The following KCNT2 variants were observed in gnomAD, a reference collection of about 807,000 sequenced individuals.
KCNT2 encodes the protein potassium channel subfamily T member 2.
A neutral mutation model predicts 153.8 loss-of-function variants in KCNT2; 67 were observed. The observed-to-expected ratio is 0.44, with a 90% confidence interval of 0.36 to 0.53. The LOEUF (loss-of-function observed/expected upper bound fraction) is 0.53, where lower values mean the gene tolerates loss of function less well. KCNT2 is among the 20% of genes least tolerant of loss of function. The pLI, the probability that KCNT2 is intolerant of heterozygous loss-of-function variation, is 0.00. For synonymous variants in KCNT2, 500 were observed against 458.8 expected (o/e 1.09, Z -1.15); for missense variants, 975 against 1,354.8 (o/e 0.72, Z 4.40).
chr1:196,493,276 T>A (rs1230136881), intron 1 of KCNT2, among the ~76,000 whole-genome samples: 1 of 150,982 alleles, frequency 6.6e-6, no homozygotes, highest in Non-Finnish European at 1.5e-5. Flanking sequence ...TTTCCTAATA[T>A]GGTAACATTT....
intron 1 of KCNT2, among the ~76,000 whole-genome samples, chr1:196,600,144 G>A (rs1664554874): frequency 6.6e-6 from 1 of 152,124 alleles, no homozygotes; most frequent in Non-Finnish European, 1.5e-5. Context: ...TCACTCCTCT[G>A]CTTTTATATG....
intron 26 of KCNT2, chr1:196,257,190 A>T: frequency 1.0e-6 from 1 of 961,762 alleles, no homozygotes. Context: ...GAATATACAC[A>T]TAAAGCACCT....
chr1:196,602,712 A>G (rs959299587), intron 1 of KCNT2, among the ~76,000 whole-genome samples: 2 of 150,634 alleles, frequency 1.3e-5, no homozygotes, highest in Non-Finnish European at 2.9e-5. Context: ...AACAATAATT[A>G]TTAAATAATA....
At chr1:196,351,494 G>T (rs1260945474) in intron 14 of KCNT2, among the ~76,000 whole-genome samples, 1 of 118,622 alleles carries the variant, frequency 8.4e-6, no homozygotes, top group East Asian at 3.9e-4. Flanking sequence ...CTCATGATTT[G>T]GCTCTCTGTT....
At chr1:196,419,414 A>G (rs750499039) in intron 12 of KCNT2, among the ~76,000 whole-genome samples, 5 of 140,120 alleles carry the variant, frequency 3.6e-5, no homozygotes, top group Non-Finnish European at 7.5e-5. Flanking sequence ...ATTCTCACCT[A>G]TGAGTAAGAA....
chr1:196,458,503 C>G (rs899155628), intron 8 of KCNT2, among the ~76,000 whole-genome samples: 1 of 151,824 alleles, frequency 6.6e-6, no homozygotes, highest in African/African-American at 2.4e-5. Flanking sequence ...AATACAAACT[C>G]TTATGTTACC....
At chr1:196,330,802 A>G (rs1664385465) in intron 18 of KCNT2, among the ~76,000 whole-genome samples, 1 of 152,006 alleles carries the variant, frequency 6.6e-6, no homozygotes, top group Admixed American at 6.6e-5. Context: ...TTCCATAATG[A>G]GATATAAAGT....
At chr1:196,484,663 T>C (rs1679275355) in intron 3 of KCNT2, among the ~76,000 whole-genome samples, 1 of 152,132 alleles carries the variant, frequency 6.6e-6, no homozygotes, top group African/African-American at 2.4e-5. Flanking sequence ...TTTTGGGTTT[T>C]ACATTTAAGT....
chr1:196,583,268 A>G (rs1458520146), intron 1 of KCNT2, among the ~76,000 whole-genome samples: 1 of 152,176 alleles, frequency 6.6e-6, no homozygotes, highest in African/African-American at 2.4e-5. Flanking sequence ...CTTTAAAAAG[A>G]ATTTAATAAT....
intron 13 of KCNT2, among the ~76,000 whole-genome samples, chr1:196,385,008 TA>T (rs1237232607): frequency 1.3e-5 from 2 of 152,004 alleles, no homozygotes; most frequent in Non-Finnish European, 2.9e-5. Flanking sequence ...ATAACCCAAA[TA>T]AACTAACATA....
chr1:196,256,384 C>T (rs1276676204), intron 26 of KCNT2, among the ~76,000 whole-genome samples: 1 of 151,890 alleles, frequency 6.6e-6, no homozygotes, highest in African/African-American at 2.4e-5. Context: ...TCCATGACAG[C>T]ATTTTCCATA....
intron 2 of KCNT2, among the ~76,000 whole-genome samples, chr1:196,491,663 C>T (rs546021529): frequency 7.2e-5 from 11 of 152,054 alleles, no homozygotes; most frequent in Non-Finnish European, 1.6e-4. Flanking sequence ...AGTTACTATG[C>T]CAATTTTGTA....
chr1:196,441,048 C>A (rs1675179846), intron 8 of KCNT2, among the ~76,000 whole-genome samples: 1 of 151,668 alleles, frequency 6.6e-6, no homozygotes, highest in Non-Finnish European at 1.5e-5. Context: ...CTAAGTACTG[C>A]AATTATTTTG....
At chr1:196,369,398 A>C (rs1488955711) in intron 14 of KCNT2, among the ~76,000 whole-genome samples, 1 of 152,140 alleles carries the variant, frequency 6.6e-6, no homozygotes, top group East Asian at 1.9e-4. Flanking sequence ...ATATGTATAC[A>C]TGTGCCATGC....
intron 12 of KCNT2, among the ~76,000 whole-genome samples, chr1:196,412,122 A>G (rs976392906): frequency 6.6e-6 from 1 of 151,772 alleles, no homozygotes; most frequent in African/African-American, 2.4e-5. Context: ...GTTAATCTTA[A>G]ACAATTTTTA....
At chr1:196,505,053 T>G (rs1681019575) in intron 1 of KCNT2, among the ~76,000 whole-genome samples, 1 of 152,104 alleles carries the variant, frequency 6.6e-6, no homozygotes, top group African/African-American at 2.4e-5. Flanking sequence ...ACTCTGATGG[T>G]AGTTTCTTTT....
intron 5 of KCNT2, among the ~76,000 whole-genome samples, chr1:196,473,427 C>T (rs998141596): frequency 6.6e-6 from 1 of 152,178 alleles, no homozygotes; most frequent in Non-Finnish European, 1.5e-5. Flanking sequence ...CAGTGCTTGA[C>T]AGTCTGAATC....
At chr1:196,322,451 A>G (rs1242163989) in intron 19 of KCNT2, among the ~76,000 whole-genome samples, 1 of 151,872 alleles carries the variant, frequency 6.6e-6, no homozygotes, top group Non-Finnish European at 1.5e-5. Context: ...AAACAAAATA[A>G]AAATTCAACA....
chr1:196,587,988 G>A (rs1662893229), intron 1 of KCNT2, among the ~76,000 whole-genome samples: 1 of 151,920 alleles, frequency 6.6e-6, no homozygotes, highest in Non-Finnish European at 1.5e-5. Flanking sequence ...CCTGGTTCTT[G>A]CCTTGATAAG....
Sources: allele counts gnomAD v4.1 joint callset (sites outside exome capture counted in the v4.1 genomes callset), GRCh38; gene constraint gnomAD v4.1.1; transcripts MANE v1.5; gene names NCBI Gene and HGNC (gene_info 2026-07-23, HGNC 2026-07-21).